The following SORL1-AS1 variants were observed in gnomAD, a reference collection of about 807,000 sequenced individuals.
SORL1-AS1 encodes lncRNA 51 A.
chr11:121,439,697 C>T, the SORL1-AS1 span, among the ~76,000 whole-genome samples: 1 of 152,104 alleles, frequency 6.6e-6, no homozygotes, highest in Admixed American at 6.6e-5. Context: ...ACATAACAGG[C>T]ACTTACAATA....
chr11:121,439,775 TCTC>T, the SORL1-AS1 span, among the ~76,000 whole-genome samples: 19 of 152,306 alleles, frequency 1.2e-4, no homozygotes, highest in African/African-American at 4.3e-4. Flanking sequence ...CTCTGCTAAA[TCTC>T]CTCTATTCTA....
At position 121,452,783 on chromosome 11, in the gene SORL1-AS1, G is replaced by A. The variant is rs1322865974; in HGVS notation, n.231C>T. On this transcript the variant is annotated non_coding_transcript_exon_variant, in exon 1 of 2. Coordinates refer to ENST00000501964, the Ensembl canonical transcript of SORL1-AS1. The surrounding 1 kb of genome is among the most constrained non-coding windows in gnomAD (Gnocchi z 5.3). ...GAGTACAACCGTCAGCACTTGAATC[G>A]CATTGATCTTTCCTTCTTCCTGTCG... 4 of 548,294 alleles carry A rather than the reference G, an allele frequency of 7.3e-6. No individual in the cohort carries two copies. The highest frequency in any genetic ancestry group is 4.3e-5 in the Admixed American group (1 of 23,284). 34.0% of individuals were successfully genotyped at this position (548,294 alleles called of 1,614,324 possible). A position where few individuals can be genotyped will look rare whatever the true frequency, so the allele number is the denominator to read the frequency against.
Position 121,452,325 on chromosome 11 carries a change from C to A in SORL1-AS1, n.339+350G>T, listed in dbSNP as rs749773793. 1.3e-6 allele frequency: 2 copies of A among 1,530,224 alleles called. No homozygotes were observed. Among genetic ancestry groups the A allele is most frequent in the Non-Finnish European group, 1.7e-6 (2 of 1,142,882 alleles). The allele number at this position is 1,530,224 out of a possible 1,614,324, so 94.8% of individuals were successfully genotyped here. On this transcript the variant is annotated intron_variant and non_coding_transcript_variant, in intron 1 of 1. Transcript: ENST00000501964. The surrounding 1 kb of genome is among the most constrained non-coding windows in gnomAD (Gnocchi z 5.3). ...GCGGCGCCACCTGCAGTAGCGTTCG[C>A]CCGAACATGGCGACACGGAGCAGCA...
chr11:121,452,395 C>A lies in SORL1-AS1; in HGVS notation n.339+280G>T, dbSNP rs866322118. 1.3e-6 allele frequency: 2 copies of A among 1,539,458 alleles called. No individual in the cohort carries two copies. ...GTTCCTATTCACCCTGGTCGCACTG[C>A]TGCCGCCCGGAGCTCTCTGCGAAGT... On this transcript the variant is annotated intron_variant and non_coding_transcript_variant, in intron 1 of 1. Coordinates refer to ENST00000501964, the Ensembl canonical transcript of SORL1-AS1. The surrounding 1 kb of genome is among the most constrained non-coding windows in gnomAD (Gnocchi z 5.3).
downstream of SORL1-AS1, among the ~76,000 whole-genome samples, chr11:121,443,868 C>T (rs1056262811): frequency 2.0e-5 from 3 of 152,200 alleles, no homozygotes; most frequent in African/African-American, 7.2e-5. Context: ...CTGATTCCTC[C>T]TCCAGAGCTG....
In SORL1-AS1 at chr11:121,450,121, C is replaced by A. The variant is rs994704537; in HGVS notation, n.340-222G>T. Reference sequence around the variant, plus strand: ...GGCAAACAGATGCCCATCTTCAAATCCACACTTAGGAGACTCCTGTCTCTG... The same window carrying A: ...GGCAAACAGATGCCCATCTTCAAATACACACTTAGGAGACTCCTGTCTCTG... On this transcript the variant is annotated intron_variant and non_coding_transcript_variant, in intron 1 of 1. Transcript: ENST00000501964. The surrounding 1 kb of genome is among the most constrained non-coding windows in gnomAD (Gnocchi z 5.2). Among the ~76,000 whole-genome samples the A allele has an allele frequency of 1.3e-5, 2 of 152,204 alleles. No homozygotes were observed. Among genetic ancestry groups the A allele is most frequent in the South Asian group, 4.1e-4 (2 of 4,830 alleles).
At chr11:121,443,261 C>T (rs1860684969), downstream of SORL1-AS1, among the ~76,000 whole-genome samples, 1 of 152,320 alleles carries the variant, frequency 6.6e-6, no homozygotes, top group Non-Finnish European at 1.5e-5. Context: ...TAGCGTTGGA[C>T]TTTCTAGTGC....
rs1426377718 is a variant in SORL1-AS1 at position 121,452,592 on chromosome 11, C to T, written n.339+83G>A. 2.6e-6 allele frequency: 4 copies of T among 1,521,362 alleles called. No individual in the cohort carries two copies. The highest frequency in any genetic ancestry group is 3.5e-6 in the Non-Finnish European group (4 of 1,142,210). The allele number at this position is 1,521,362 out of a possible 1,614,324, so 94.2% of individuals were successfully genotyped here. On this transcript the variant is annotated intron_variant and non_coding_transcript_variant, in intron 1 of 1. Transcript: ENST00000501964. This position sits in a 1 kb window ranked among gnomAD's most constrained non-coding sequence, Gnocchi z 5.3. ...GGAAACGGAGCGCTGCCCTGCAGCC[C>T]GAGCCCATCAAGGTGTACGGACAGG...
downstream of SORL1-AS1, among the ~76,000 whole-genome samples, chr11:121,445,122 G>A (rs1019965285): frequency 1.3e-4 from 20 of 152,212 alleles, no homozygotes; most frequent in African/African-American, 4.3e-4. Flanking sequence ...CTCATTAAAA[G>A]CACTTGCAGT....
In SORL1-AS1 at chr11:121,452,367, C is replaced by A; in HGVS notation, n.339+308G>T. 1 of 1,554,780 alleles carries A rather than the reference C, an allele frequency of 6.4e-7. No homozygotes were observed. The highest frequency in any genetic ancestry group is 2.6e-5 in the East Asian group (1 of 38,612). ...GGAGCAGCAGGAGGGAGTCGCGACT[C>A]CCGTTCCTATTCACCCTGGTCGCAC... On this transcript the variant is annotated intron_variant and non_coding_transcript_variant, in intron 1 of 1. Transcript: ENST00000501964. The surrounding 1 kb of genome is among the most constrained non-coding windows in gnomAD (Gnocchi z 5.3).
chr11:121,452,703 C>G lies in SORL1-AS1; in HGVS notation n.311G>C, dbSNP rs550600382. 1.6e-6 allele frequency: 2 copies of G among 1,243,318 alleles called. No individual in the cohort carries two copies. Among genetic ancestry groups the G allele is most frequent in the Non-Finnish European group, 1.0e-6 (1 of 955,806 alleles). 77.0% of individuals were successfully genotyped at this position (1,243,318 alleles called of 1,614,324 possible). A position where few individuals can be genotyped will look rare whatever the true frequency, so the allele number is the denominator to read the frequency against. On this transcript the variant is annotated non_coding_transcript_exon_variant, in exon 1 of 2. Coordinates refer to ENST00000501964, the Ensembl canonical transcript of SORL1-AS1. This position sits in a 1 kb window ranked among gnomAD's most constrained non-coding sequence, Gnocchi z 5.3. The stretch of plus-strand genomic sequence containing the variant: ...CGCATCCATCCGTTGCAGTCGCCTC[C>G]TAGGTGCAGGCACCACTGGGGACTT...
downstream of SORL1-AS1, among the ~76,000 whole-genome samples, chr11:121,445,024 C>G (rs1182838691): frequency 6.6e-6 from 1 of 152,204 alleles, no homozygotes; most frequent in Non-Finnish European, 1.5e-5. Flanking sequence ...ATGATCCAAA[C>G]TCTAATCGCA....
chr11:121,441,872 C>T, the SORL1-AS1 span, among the ~76,000 whole-genome samples: 1 of 152,188 alleles, frequency 6.6e-6, no homozygotes, highest in Non-Finnish European at 1.5e-5. Context: ...GTCTCTGTGG[C>T]ATGCAGCTAA....
chr11:121,446,240 A>G (rs963640437), downstream of SORL1-AS1, among the ~76,000 whole-genome samples: 2 of 152,242 alleles, frequency 1.3e-5, no homozygotes, highest in Non-Finnish European at 2.9e-5. Flanking sequence ...GGAGATAAGT[A>G]CCAAAATCGT....
At chr11:121,441,297 G>A in the SORL1-AS1 span, among the ~76,000 whole-genome samples, 2 of 151,706 alleles carry the variant, frequency 1.3e-5, no homozygotes, top group Non-Finnish European at 2.9e-5. Context: ...GCCGAGGCGG[G>A]CAGATCACGA....
At chr11:121,451,021 C>T (rs1039854154) in intron 1 of SORL1-AS1, among the ~76,000 whole-genome samples, 1 of 152,110 alleles carries the variant, frequency 6.6e-6, no homozygotes, top group Non-Finnish European at 1.5e-5. Flanking sequence ...AATCGGGCTA[C>T]CGTGGCTTGT....
chr11:121,441,293 G>A, the SORL1-AS1 span, among the ~76,000 whole-genome samples: 2 of 151,834 alleles, frequency 1.3e-5, no homozygotes, highest in Non-Finnish European at 2.9e-5. Flanking sequence ...GGAGGCCGAG[G>A]CGGGCAGATC....
chr11:121,452,440 G>A lies in SORL1-AS1; in HGVS notation n.339+235C>T. 4 of 1,500,466 alleles carry A rather than the reference G, an allele frequency of 2.7e-6. No individual in the cohort carries two copies. Among genetic ancestry groups the A allele is most frequent in the East Asian group, 2.8e-5 (1 of 35,880 alleles). The allele number at this position is 1,500,466 out of a possible 1,614,324, so 92.9% of individuals were successfully genotyped here. A position where few individuals can be genotyped will look rare whatever the true frequency, so the allele number is the denominator to read the frequency against. ...CGAAGTCTGGACGCAGAGGCTGCAC[G>A]GCGGCAGCGCGCCCTTGCCCCAGGA... On this transcript the variant is annotated intron_variant and non_coding_transcript_variant, in intron 1 of 1. Coordinates refer to ENST00000501964, the Ensembl canonical transcript of SORL1-AS1. This position sits in a 1 kb window ranked among gnomAD's most constrained non-coding sequence, Gnocchi z 5.3.
At chr11:121,446,884 A>G (rs1367007066), downstream of SORL1-AS1, among the ~76,000 whole-genome samples, 1 of 152,110 alleles carries the variant, frequency 6.6e-6, no homozygotes, top group Non-Finnish European at 1.5e-5. Flanking sequence ...TCACATTTCA[A>G]CTGTGCTGTG....
Sources: gnomAD v4.1 joint callset for allele counts (sites outside exome capture counted in the v4.1 genomes callset) on GRCh38, gnomAD v4.1.1 for gene constraint, Gnocchi (gnomAD v3.1) non-coding constraint, MANE v1.5 for transcripts, NCBI Gene and HGNC (gene_info 2026-07-23, HGNC 2026-07-21) for gene names.